Variants in RAE1 observed in about 807,000 individuals in gnomAD.
The protein encoded by RAE1 is ribonucleic acid export 1, also known as mRNA export factor RAE1.
RAE1 carries 13 observed loss-of-function variants against 52.7 expected under a neutral mutation model. The ratio of observed to expected loss-of-function variants is 0.25; its 90% CI spans 0.16 to 0.39. The LOEUF (loss-of-function observed/expected upper bound fraction) is 0.39, where lower values mean the gene tolerates loss of function less well. Ranked by LOEUF, RAE1 falls within the 10% of genes least tolerant of loss-of-function variation. The pLI, the probability that RAE1 is intolerant of heterozygous loss-of-function variation, is 1.00. For missense variants in RAE1, 262 were observed against 459.8 expected, an observed-to-expected ratio of 0.57 and a Z score of 3.93; for synonymous variants, 164 against 153.1, an observed-to-expected ratio of 1.07 and a Z score of -0.52.
At chr20:57,358,084 TTA>T (rs1646486206) in intron 4 of RAE1, 1 of 152,044 alleles carries the variant, frequency 6.6e-6, no homozygotes, top group Non-Finnish European at 1.5e-5. Context: ...TACATTAAAA[TTA>T]GAGGATCTGG....
rs2067066056 is a variant in RAE1 at position 57,373,459 on chromosome 20, T to C, written c.643-16T>C. The C allele has an allele frequency of 1.2e-6, 2 of 1,603,198 alleles. No homozygotes were observed. The highest frequency in any genetic ancestry group is 1.7e-5 in the Admixed American group (1 of 59,598). On this transcript the variant is annotated splice_polypyrimidine_tract_variant and intron_variant, in intron 8 of 11. Coordinates refer to ENST00000395841, the MANE Select transcript of RAE1 (RefSeq NM_003610.4). ...TATTATGCTGTGATTATGTCTCTTT[T>C]TTATTTTAACTGTAGCATCGGTGTG...
chr20:57,374,843 G>T (rs1377239098), intron 11 of RAE1, 42 bp downstream of exon 11: 5 of 1,609,654 alleles, frequency 3.1e-6, no homozygotes, highest in Admixed American at 1.7e-5. Flanking sequence ...CAAGGCAGCA[G>T]AGCCAGGCTC....
chr20:57,360,734 C>A (rs2066879587), intron 4 of RAE1, among the ~76,000 whole-genome samples: 1 of 152,136 alleles, frequency 6.6e-6, no homozygotes, highest in Non-Finnish European at 1.5e-5. Context: ...AACTGTATGG[C>A]CATGGTGGCG....
intron 4 of RAE1, among the ~76,000 whole-genome samples, chr20:57,361,062 A>G (rs2066884652): frequency 6.6e-6 from 1 of 151,956 alleles, no homozygotes; most frequent in African/African-American, 2.4e-5. Flanking sequence ...AACTGTGTAG[A>G]ATACTTAAGT....
intron 10 of RAE1, among the ~76,000 whole-genome samples, chr20:57,374,379 A>G (rs1326558735): frequency 1.3e-5 from 2 of 152,324 alleles, no homozygotes; most frequent in East Asian, 3.9e-4. Flanking sequence ...CTTGCTGTCC[A>G]CATGCTCACT....
At position 57,354,707 on chromosome 20, in the gene RAE1, C is replaced by T. The variant is rs529613656; in HGVS notation, c.91-5C>T. On this transcript the variant is annotated splice_region_variant and splice_polypyrimidine_tract_variant and intron_variant, in intron 2 of 11. Coordinates refer to ENST00000395841, the MANE Select transcript of RAE1 (RefSeq NM_003610.4). ...TACATTTTAACATTGACTTTTTTCC[C>T]GCAGGATATTGAAGTAACATCATCT... 3.4e-5 allele frequency: 53 copies of T among 1,550,560 alleles called. No individual in the cohort carries two copies. Among genetic ancestry groups the T allele is most frequent in the South Asian group, 6.1e-5 (5 of 81,768 alleles).
At position 57,378,276 on chromosome 20, in the gene RAE1, T is replaced by A; in HGVS notation, c.*177T>A. On this transcript the variant is annotated 3_prime_UTR_variant, in exon 12 of 12. Transcript: ENST00000395841. ...CAGGCGTCCGCGGCGACTTGCCGTC[T>A]CTCCATTCCACTGCCTGTTGCAGAG... The A allele has an allele frequency of 1.8e-6, 1 of 559,456 alleles. No individual in the cohort carries two copies. 34.7% of individuals were successfully genotyped at this position (559,456 alleles called of 1,614,324 possible). A position where few individuals can be genotyped will look rare whatever the true frequency, so the allele number is the denominator to read the frequency against.
At chr20:57,370,714 G>A (rs949554082) in intron 8 of RAE1, among the ~76,000 whole-genome samples, 7 of 152,224 alleles carry the variant, frequency 4.6e-5, no homozygotes, top group African/African-American at 1.7e-4. Flanking sequence ...TTATACGTAT[G>A]TATGGATGTC....
rs1370873941 is a variant in RAE1, at chr20:57,351,347, G to T, written c.-83G>T. ...TCCGCGCTCCTGGCCCTCGTCCTTCGCGCCAGAGCAGGTTCGCAAACTCCT... is the reference window on the plus strand; with the variant it reads ...TCCGCGCTCCTGGCCCTCGTCCTTCTCGCCAGAGCAGGTTCGCAAACTCCT... On this transcript the variant is annotated 5_prime_UTR_variant, in exon 1 of 12. Transcript: ENST00000395841. The T allele has an allele frequency of 5.0e-5, 49 of 985,400 alleles. No individual in the cohort carries two copies. Among genetic ancestry groups the T allele is most frequent in the Non-Finnish European group, 5.8e-5 (48 of 829,920 alleles). The allele number at this position is 985,400 out of a possible 1,614,324, so 61.0% of individuals were successfully genotyped here. A position where few individuals can be genotyped will look rare whatever the true frequency, so the allele number is the denominator to read the frequency against.
chr20:57,368,761 A>G lies in RAE1; in HGVS notation c.591A>G (p.Leu197=). 1 of 1,613,800 alleles carries G rather than the reference A, an allele frequency of 6.2e-7. No individual in the cohort carries two copies. The highest frequency in any genetic ancestry group is 8.5e-7 in the Non-Finnish European group (1 of 1,179,922). Residue 197 remains leucine (L), a synonymous_variant, in exon 8 of 12, where the codon CTA becomes CTG. Transcript: ENST00000395841. ...TAERGLIVYQ[L]ENQPSEFRRI... is the part of the protein sequence containing the mutation. The stretch of plus-strand genomic sequence containing the variant: ...AGAGGGGCCTGATTGTCTATCAGCT[A>G]GAGAATCAACCTTCTGAATTCAGGA...
At chr20:57,358,240 T>C (rs1017785815) in intron 4 of RAE1, 17 of 152,230 alleles carry the variant, frequency 1.1e-4, no homozygotes, top group African/African-American at 4.1e-4. Context: ...TCAAGCAGTC[T>C]GTAAGGACCT....
chr20:57,356,423 A>T, intron 3 of RAE1, 23 bp from the exon 4 acceptor site: 6 of 1,588,658 alleles, frequency 3.8e-6, no homozygotes, highest in Non-Finnish European at 4.3e-6. Context: ...CTTTGTTTGC[A>T]TTGAATTTTT....
intron 4 of RAE1, among the ~76,000 whole-genome samples, chr20:57,363,992 C>G (rs2066921862): frequency 6.6e-6 from 1 of 152,240 alleles, no homozygotes; most frequent in Non-Finnish European, 1.5e-5. Context: ...AGCCTAGGCC[C>G]AGACCTTCCT....
intron 8 of RAE1, among the ~76,000 whole-genome samples, chr20:57,370,890 G>A (rs994529459): frequency 1.3e-5 from 2 of 152,144 alleles, no homozygotes; most frequent in Non-Finnish European, 2.9e-5. Context: ...ATCTGAACCT[G>A]CCCCTCTCGG....
chr20:57,373,980 G>A (rs1472550768), intron 10 of RAE1, among the ~76,000 whole-genome samples: 7 of 152,118 alleles, frequency 4.6e-5, no homozygotes, highest in African/African-American at 7.2e-5. Context: ...TGCAACCTCC[G>A]CCTCCTGGGT....
Position 57,354,095 on chromosome 20 carries a change from C to G in RAE1, c.57C>G (p.Gly19=). The change falls in exon 2 of 12, where the codon GGC becomes GGG. Residue 19 remains glycine, a synonymous_variant. Coordinates refer to ENST00000395841, the MANE Select transcript of RAE1 (RefSeq NM_003610.4). The part of the protein sequence containing the change: ...GFGTSGTSMF[G]SATTDNHNPM... ...GAACCAGTGGGACCAGCATGTTTGGCAGTGCAACTACAGACAATCACAATC... is the reference window on the plus strand; with the variant it reads ...GAACCAGTGGGACCAGCATGTTTGGGAGTGCAACTACAGACAATCACAATC... 6.2e-7 allele frequency: 1 copy of G among 1,614,016 alleles called. No homozygotes were observed. The highest frequency in any genetic ancestry group is 1.3e-5 in the African/African-American group (1 of 75,042).
intron 1 of RAE1, among the ~76,000 whole-genome samples, chr20:57,353,037 A>C (rs2066733619): frequency 6.6e-6 from 1 of 152,112 alleles, no homozygotes; most frequent in Non-Finnish European, 1.5e-5. Context: ...GCCTTCCCCA[A>C]ATTCCTTGCA....
Position 57,378,371 on chromosome 20 carries a change from G to C in RAE1, c.*272G>C. The C allele has an allele frequency of 4.9e-6, 2 of 411,210 alleles. No individual in the cohort carries two copies. Among genetic ancestry groups the C allele is most frequent in the Non-Finnish European group, 8.8e-6 (2 of 227,158 alleles). The allele number at this position is 411,210 out of a possible 1,614,324, so 25.5% of individuals were successfully genotyped here. A position where few individuals can be genotyped will look rare whatever the true frequency, so the allele number is the denominator to read the frequency against. Reference sequence around the variant, plus strand: ...TGCGGGCACCGCCAGGGATTTTGCAGCGCTTCAGTGTACGTGTTAGAGAAT... The same window carrying C: ...TGCGGGCACCGCCAGGGATTTTGCACCGCTTCAGTGTACGTGTTAGAGAAT... On this transcript the variant is annotated 3_prime_UTR_variant, in exon 12 of 12. Transcript: ENST00000395841.
At chr20:57,359,132 G>A (rs954217654) in intron 4 of RAE1, 13 of 857,784 alleles carry the variant, frequency 1.5e-5, no homozygotes, top group Admixed American at 1.4e-4. Context: ...TGGGCAGATA[G>A]TGCCTCTAAT....
Sources: gnomAD v4.1 joint callset for allele counts (sites outside exome capture counted in the v4.1 genomes callset) on GRCh38, gnomAD v4.1.1 for gene constraint, MANE v1.5 for transcripts, NCBI Gene and HGNC (gene_info 2026-07-23, HGNC 2026-07-21) for gene names.